The following ADK variants were observed in gnomAD, a reference collection of about 807,000 sequenced individuals.
ADK encodes the protein N6,N6-dimethyladenosine kinase.
ADK carries 24 observed loss-of-function variants against 44.7 expected under a neutral mutation model. The ratio of observed to expected loss-of-function variants is 0.54; its 90% CI spans 0.39 to 0.76. The LOEUF (loss-of-function observed/expected upper bound fraction) is 0.76, where lower values mean the gene tolerates loss of function less well. Ranked by LOEUF, ADK falls within the 30% of genes least tolerant of loss-of-function variation. The pLI is 0.00. For missense variants in ADK, 321 were observed against 425.1 expected (o/e 0.76, Z 2.15); for synonymous variants, 128 against 142.6 (o/e 0.90, Z 0.73).
At chr10:74,299,803 A>G (rs1274188067) in intron 3 of ADK, among the ~76,000 whole-genome samples, 1 of 151,968 alleles carries the variant, frequency 6.6e-6, no homozygotes, top group South Asian at 2.1e-4. Context: ...TATTATCAAC[A>G]GTGAACTTCA....
chr10:74,194,029 G>A (rs1843040565), intron 1 of ADK, among the ~76,000 whole-genome samples: 1 of 152,142 alleles, frequency 6.6e-6, no homozygotes. Flanking sequence ...GAGGGATGCA[G>A]TGCCTTGATA....
At chr10:74,260,517 C>G (rs914031166) in intron 3 of ADK, among the ~76,000 whole-genome samples, 1 of 152,098 alleles carries the variant, frequency 6.6e-6, no homozygotes, top group Non-Finnish European at 1.5e-5. Flanking sequence ...CCTGCCTTGG[C>G]CTGTGATTAT....
rs576169259 is a variant in ADK at position 74,505,460 on chromosome 10, T to G, written c.556-19796T>G. 5.3e-5 allele frequency among the ~76,000 whole-genome samples: 8 copies of G among 152,200 alleles called. No individual in the cohort carries two copies. The East Asian group carries it at 1.5e-3, about 29-fold the overall frequency. ...CTGTTAATTCCTGTGATATGGTGTC[T>G]GTTAGCTCTTGAATTACTCCAAGAT... On this transcript the variant is annotated intron_variant, in intron 6 of 10. Transcript: ENST00000539909.
At chr10:74,485,738 G>A (rs1358887935) in intron 6 of ADK, among the ~76,000 whole-genome samples, 3 of 151,904 alleles carry the variant, frequency 2.0e-5, no homozygotes, top group Non-Finnish European at 2.9e-5. Flanking sequence ...TATGAACAAG[G>A]CCTCTACCAA....
chr10:74,247,348 C>A (rs954706849), intron 3 of ADK, among the ~76,000 whole-genome samples: 7 of 150,148 alleles, frequency 4.7e-5, no homozygotes, highest in Non-Finnish European at 7.4e-5. Flanking sequence ...AAGTGATCCT[C>A]CCACCTCAGC....
chr10:74,346,738 A>G (rs1428290582), intron 4 of ADK, among the ~76,000 whole-genome samples: 5 of 152,144 alleles, frequency 3.3e-5, no homozygotes, highest in East Asian at 1.9e-4. Context: ...CGACAGTTCC[A>G]TAACAGGAAT....
At chr10:74,493,371 A>G (rs932485007) in intron 6 of ADK, among the ~76,000 whole-genome samples, 3 of 150,866 alleles carry the variant, frequency 2.0e-5, no homozygotes, top group Admixed American at 2.0e-4. Flanking sequence ...GTGTGTATAT[A>G]CATATATATG....
At chr10:74,305,875 C>T (rs1840230889) in intron 3 of ADK, among the ~76,000 whole-genome samples, 1 of 152,008 alleles carries the variant, frequency 6.6e-6, no homozygotes, top group African/African-American at 2.4e-5. Flanking sequence ...TACAGGCATG[C>T]ATCACTATGC....
Position 74,193,748 on chromosome 10 carries a change from A to G in ADK, c.66-7016A>G, listed in dbSNP as rs921509404. ...TGCACCACTGCCCTCCAGCCTGGGC[A>G]ACAGAACAGGAGCCTGTCTCAAAAA... On this transcript the variant is annotated intron_variant, in intron 1 of 10. Transcript: ENST00000539909. Among the ~76,000 whole-genome samples, 3 of 152,192 alleles carry G rather than the reference A, an allele frequency of 2.0e-5. No individual in the cohort carries two copies. The East Asian group carries it at 5.8e-4, about 29-fold the overall frequency.
At chr10:74,351,532 A>G (rs1382451253) in intron 4 of ADK, among the ~76,000 whole-genome samples, 3 of 152,046 alleles carry the variant, frequency 2.0e-5, no homozygotes, top group African/African-American at 7.3e-5. Flanking sequence ...CTCTCTCACC[A>G]CTCCTATTCA....
At chr10:74,531,825 A>G (rs536762503) in intron 7 of ADK, among the ~76,000 whole-genome samples, 8 of 152,168 alleles carry the variant, frequency 5.3e-5, no homozygotes, top group Non-Finnish European at 1.2e-4. Flanking sequence ...GAGCCACTGC[A>G]CTTGGCAGTG....
At chr10:74,343,065 AG>A (rs1302529929) in intron 4 of ADK, among the ~76,000 whole-genome samples, 3 of 152,112 alleles carry the variant, frequency 2.0e-5, no homozygotes, top group Admixed American at 6.6e-5. Context: ...TTTCTCATAT[AG>A]GGGGAAAATA....
chr10:74,548,662 G>A (rs1308322641), intron 7 of ADK, among the ~76,000 whole-genome samples: 2 of 152,156 alleles, frequency 1.3e-5, no homozygotes, highest in East Asian at 3.8e-4. Context: ...CAAAAGGAAT[G>A]GTTGAGATTA....
intron 4 of ADK, among the ~76,000 whole-genome samples, chr10:74,315,061 AT>A (rs1840569865): frequency 6.6e-6 from 1 of 151,910 alleles, no homozygotes; most frequent in Non-Finnish European, 1.5e-5. Context: ...ATTCCTTTTT[AT>A]TTTATAAGTT....
intron 8 of ADK, among the ~76,000 whole-genome samples, chr10:74,596,551 C>CTT (rs1397377612): frequency 7.3e-6 from 1 of 136,578 alleles, no homozygotes; most frequent in African/African-American, 3.1e-5. Context: ...CTCTCTCTCT[C>CTT]TTTTTTTTTT....
chr10:74,583,898 C>G (rs1226409317), intron 7 of ADK, among the ~76,000 whole-genome samples: 9 of 152,152 alleles, frequency 5.9e-5, no homozygotes. Context: ...CCACTCATGT[C>G]CGGTCACAGC....
intron 7 of ADK, among the ~76,000 whole-genome samples, chr10:74,528,526 A>G (rs1276105597): frequency 6.6e-6 from 1 of 152,076 alleles, no homozygotes; most frequent in Non-Finnish European, 1.5e-5. Context: ...TAAATTAGAC[A>G]TCATCAAAAT....
intron 9 of ADK, among the ~76,000 whole-genome samples, chr10:74,611,774 C>T (rs1247759602): frequency 6.6e-6 from 1 of 152,006 alleles, no homozygotes; most frequent in East Asian, 1.9e-4. Flanking sequence ...TGTCCTCTGG[C>T]TGCATCTATG....
chr10:74,411,482 A>G (rs1414812305), intron 6 of ADK, among the ~76,000 whole-genome samples: 1 of 152,252 alleles, frequency 6.6e-6, no homozygotes, highest in Non-Finnish European at 1.5e-5. Flanking sequence ...TGTTTACACT[A>G]TATGGTACTC....
Sources: gnomAD v4.1 joint callset for allele counts (sites outside exome capture counted in the v4.1 genomes callset) on GRCh38, gnomAD v4.1.1 for gene constraint, MANE v1.5 for transcripts, NCBI Gene and HGNC (gene_info 2026-07-23, HGNC 2026-07-21) for gene names.